NSD2: variants seen among roughly 807,000 people sequenced by gnomAD.
NSD2 encodes the protein nuclear receptor binding SET domain protein 2.
Under a neutral mutation model 139.0 loss-of-function variants are expected in NSD2, and 12 were observed. The observed-to-expected ratio is 0.09, with a 90% CI of 0.06 to 0.14. The LOEUF (loss-of-function observed/expected upper bound fraction) is 0.14, where lower values mean the gene tolerates loss of function less well. Among genes scored for constraint, NSD2 ranks in the 10% least tolerant of loss-of-function variants. NSD2 has a pLI of 1.00. For synonymous variants in NSD2, 669 were observed against 648.7 expected (o/e 1.03, Z -0.48); for missense variants, 1,155 against 1,745.0 (o/e 0.66, Z 6.02).
chr4:1,957,661 A>G lies in NSD2; in HGVS notation c.2882-272A>G, dbSNP rs1724968279. ...GACCCTGGTGCTTTGTCCTTAGGCC[A>G]TAGTGGAGGACAGGGAGCTCCCGAC... On this transcript the variant is annotated intron_variant, in intron 15 of 21. Coordinates refer to ENST00000508803, the MANE Select transcript of NSD2 (RefSeq NM_001042424.3). Among the ~76,000 whole-genome samples, 4 of 152,256 alleles carry G rather than the reference A, an allele frequency of 2.6e-5. No individual in the cohort carries two copies. The South Asian group carries it at 8.3e-4, about 32-fold the overall frequency.
At position 1,952,780 on chromosome 4, in the gene NSD2, G is replaced by A. The variant is rs913160495; in HGVS notation, c.2138-544G>A. 1.9e-5 allele frequency: 21 copies of A among 1,129,952 alleles called. No homozygotes were observed. The African/African-American group carries it at 3.3e-4, about 18-fold the overall frequency. The allele number at this position is 1,129,952 out of a possible 1,614,324, so 70.0% of individuals were successfully genotyped here. ...TCGCCCGGCACAGTCTGGGGTCTGTGAGGATGATGAGAGGACACCTGCACA... is the reference window on the plus strand; with the variant it reads ...TCGCCCGGCACAGTCTGGGGTCTGTAAGGATGATGAGAGGACACCTGCACA... On this transcript the variant is annotated intron_variant, in intron 11 of 21. Coordinates refer to ENST00000508803, the MANE Select transcript of NSD2 (RefSeq NM_001042424.3).
At chr4:1,879,319 C>T (rs1305889914) in intron 1 of NSD2, among the ~76,000 whole-genome samples, 2 of 152,062 alleles carry the variant, frequency 1.3e-5, no homozygotes, top group Non-Finnish European at 2.9e-5. Flanking sequence ...CCTGGGTTCA[C>T]ACCATTCTCC....
At chr4:1,896,259 G>A (rs1716283287) in intron 1 of NSD2, among the ~76,000 whole-genome samples, 1 of 152,218 alleles carries the variant, frequency 6.6e-6, no homozygotes, top group South Asian at 2.1e-4. Flanking sequence ...TCTGTATTCC[G>A]GCTGCCAAGC....
At chr4:1,875,256 G>A (rs1053023215) in intron 1 of NSD2, among the ~76,000 whole-genome samples, 1 of 151,400 alleles carries the variant, frequency 6.6e-6, no homozygotes, top group African/African-American at 2.4e-5. Flanking sequence ...ACTGTGCCCG[G>A]CCAAGTTGCA....
rs570695212 is a variant in NSD2, at chr4:1,939,665, C to A, written c.1768C>A (p.Leu590Met). Residue 590 changes from leucine (L) to methionine (M), a missense_variant, in exon 9 of 22, where the codon CTG (leucine) becomes ATG (methionine). Physicochemically the swap from Leu to Met is conservative, Grantham distance 15. Coordinates refer to ENST00000508803, the MANE Select transcript of NSD2 (RefSeq NM_001042424.3). ...AAATTATTTTACAGCAACGAAAAATCTGTCTGATGCATGTAAACCACTGAA... is the reference window on the plus strand; with the variant it reads ...AAATTATTTTACAGCAACGAAAAATATGTCTGATGCATGTAAACCACTGAA... ...SLKSQAATKN[L>M]SDACKPLKKR... The A allele has an allele frequency of 1.2e-6, 2 of 1,614,102 alleles. No individual in the cohort carries two copies. Among genetic ancestry groups the A allele is most frequent in the African/African-American group, 2.7e-5 (2 of 75,060 alleles).
intron 18 of NSD2, among the ~76,000 whole-genome samples, chr4:1,966,442 G>A (rs919585657): frequency 5.9e-5 from 9 of 152,114 alleles, no homozygotes; most frequent in Non-Finnish European, 1.3e-4. Flanking sequence ...GGATCACCAG[G>A]TCAGGAGATC....
At chr4:1,931,338 G>A (rs554918999) in intron 6 of NSD2, among the ~76,000 whole-genome samples, 5 of 152,210 alleles carry the variant, frequency 3.3e-5, no homozygotes, top group East Asian at 1.9e-4. Flanking sequence ...TAGGCCTTCG[G>A]CTTAAAAAAA....
intron 18 of NSD2, among the ~76,000 whole-genome samples, chr4:1,962,494 T>C (rs1725468093): frequency 2.0e-5 from 3 of 152,246 alleles, no homozygotes; most frequent in Admixed American, 2.0e-4. Flanking sequence ...AGATGTCAGA[T>C]ATTCGTAACT....
Position 1,948,516 on chromosome 4 carries a change from C to T in NSD2, c.1882-2556C>T. On this transcript the variant is annotated intron_variant, in intron 9 of 21. Transcript: ENST00000508803. The surrounding 1 kb of genome is among the most constrained non-coding windows in gnomAD (Gnocchi z 4.5). ...GCCGAGCCGAGAGCATTGGATCCTC[C>T]CCGACTGTGGCTAGTTGTCTGTCCG... The T allele has an allele frequency of 2.8e-6, 3 of 1,064,304 alleles. No individual in the cohort carries two copies. The South Asian group carries it at 1.4e-4, about 48-fold the overall frequency. The allele number at this position is 1,064,304 out of a possible 1,614,324, so 65.9% of individuals were successfully genotyped here. A position where few individuals can be genotyped will look rare whatever the true frequency, so the allele number is the denominator to read the frequency against.
At chr4:1,953,851 G>T (rs1724539368) in intron 12 of NSD2, among the ~76,000 whole-genome samples, 1 of 151,594 alleles carries the variant, frequency 6.6e-6, no homozygotes, top group Non-Finnish European at 1.5e-5. Context: ...CTGGAGTGCA[G>T]TGCAGTCACA....
rs113633959 is a variant in NSD2 at position 1,957,891 on chromosome 4, G to T, written c.2882-42G>T. 1.6e-3 allele frequency: 2,564 copies of T among 1,569,748 alleles called. 34 individuals carry two copies. In the African/African-American group the frequency reaches 0.031, roughly 19 times the overall value. ...TATGGAGCTTGAAAGGTAGTTACCT[G>T]TATTTACTAAAATCTTTACTCCTAT... is the stretch of plus-strand genomic sequence containing the variant. On this transcript the variant is annotated intron_variant, in intron 15 of 21. Coordinates refer to ENST00000508803, the MANE Select transcript of NSD2 (RefSeq NM_001042424.3).
chr4:1,982,075 G>C lies in NSD2; in HGVS notation c.*3166G>C. 2.5e-6 allele frequency: 1 copy of C among 397,060 alleles called. No homozygotes were observed. Among genetic ancestry groups the C allele is most frequent in the Non-Finnish European group, 4.4e-6 (1 of 225,670 alleles). The allele number at this position is 397,060 out of a possible 1,614,324, so 24.6% of individuals were successfully genotyped here. ...CTTGAAATTCACTTTTTGGGGGGAG[G>C]GATATACTGAAATAGAGAGTTGAGA... is the stretch of plus-strand genomic sequence containing the variant. On this transcript the variant is annotated 3_prime_UTR_variant, in exon 22 of 22. Coordinates refer to ENST00000508803, the MANE Select transcript of NSD2 (RefSeq NM_001042424.3).
intron 1 of NSD2, among the ~76,000 whole-genome samples, chr4:1,890,770 C>G (rs984222555): frequency 4.6e-5 from 7 of 151,528 alleles, no homozygotes; most frequent in African/African-American, 1.7e-4. Flanking sequence ...GGCTAATTTT[C>G]TATTTTTAGT....
chr4:1,917,318 CACAG>C (rs775766911), intron 4 of NSD2, among the ~76,000 whole-genome samples: 23 of 152,212 alleles, frequency 1.5e-4, no homozygotes, highest in Middle Eastern at 3.4e-3. Flanking sequence ...TATACACACA[CACAG>C]ACAGAGGGAT....
chr4:1,978,456 C>T (rs958797793), intron 21 of NSD2, among the ~76,000 whole-genome samples, 182 bp from the exon 22 acceptor site: 2 of 152,202 alleles, frequency 1.3e-5, no homozygotes, highest in African/African-American at 2.4e-5. Flanking sequence ...GTGGAGTCAA[C>T]AGGCCCTGCC....
In NSD2 at chr4:1,949,455, G is replaced by A. The variant is rs902440602; in HGVS notation, c.1882-1617G>A. On this transcript the variant is annotated intron_variant, in intron 9 of 21. Transcript: ENST00000508803. Reference sequence around the variant, plus strand: ...CCCACAGTCACCAGTCAGAGGCGACGGAAGCCCTTGGAAAAAGCCCACTCT... The same window carrying A: ...CCCACAGTCACCAGTCAGAGGCGACAGAAGCCCTTGGAAAAAGCCCACTCT... Among the ~76,000 whole-genome samples, 8 of 152,296 alleles carry A rather than the reference G, an allele frequency of 5.3e-5. No homozygotes were observed. In the East Asian group the frequency reaches 7.7e-4, roughly 15 times the overall value.
intron 18 of NSD2, among the ~76,000 whole-genome samples, chr4:1,969,336 C>T (rs1487656383): frequency 6.6e-6 from 1 of 152,176 alleles, no homozygotes; most frequent in Non-Finnish European, 1.5e-5. Context: ...AGCAGTGAGA[C>T]AAACCTGGGA....
rs747643470 is a variant in NSD2, at chr4:1,976,697, C to T, written c.3826+18C>T. 20 of 1,550,822 alleles carry T rather than the reference C, an allele frequency of 1.3e-5. No homozygotes were observed. Among genetic ancestry groups the T allele is most frequent in the East Asian group, 4.8e-5 (2 of 41,470 alleles). The stretch of plus-strand genomic sequence containing the variant: ...GCCCTTCGGTGGGTGTGCAGCCTCG[C>T]GGTGGCTTGCAGCTGTGTCTGTGTG... On this transcript the variant is annotated intron_variant, in intron 21 of 21. Transcript: ENST00000508803. The surrounding 1 kb of genome is among the most constrained non-coding windows in gnomAD (Gnocchi z 5.3).
Position 1,901,074 on chromosome 4 carries a change from A to G in NSD2, c.420A>G (p.Glu140=). The G allele has an allele frequency of 1.9e-6, 3 of 1,614,226 alleles. No homozygotes were observed. Among genetic ancestry groups the G allele is most frequent in the East Asian group, 2.2e-5 (1 of 44,890 alleles). Residue 140 remains glutamate, a synonymous_variant, in exon 2 of 22, where the codon GAA becomes GAG. Transcript: ENST00000508803. ...ACATGAATGGGAAGCCTCTCTTTGAATCTTCCATTTGTGGTGACAGTGCTG... is the reference window on the plus strand; with the variant it reads ...ACATGAATGGGAAGCCTCTCTTTGAGTCTTCCATTTGTGGTGACAGTGCTG... ...KTYMNGKPLF[E]SSICGDSAAD...
Sources: gnomAD v4.1 joint callset for allele counts (sites outside exome capture counted in the v4.1 genomes callset) on GRCh38, gnomAD v4.1.1 for gene constraint, Gnocchi (gnomAD v3.1) non-coding constraint, MANE v1.5 for transcripts, NCBI Gene and HGNC (gene_info 2026-07-23, HGNC 2026-07-21) for gene names.